Variants in DNAJA3 observed in about 807,000 individuals in gnomAD.
The protein encoded by DNAJA3 is dnaJ homolog subfamily A member 3, mitochondrial.
DNAJA3 carries 29 observed loss-of-function variants against 54.9 expected under a neutral mutation model. The ratio of observed to expected loss-of-function variants is 0.53; its 90% confidence interval spans 0.39 to 0.72. The LOEUF (loss-of-function observed/expected upper bound fraction) is 0.72, where lower values mean the gene tolerates loss of function less well. Ranked by LOEUF, DNAJA3 falls within the 30% of genes least tolerant of loss-of-function variation. The pLI, the probability that DNAJA3 is intolerant of heterozygous loss-of-function variation, is 0.00. For synonymous variants in DNAJA3, 302 were observed against 251.4 expected (o/e 1.20, Z -1.90); for missense variants, 708 against 639.4 (o/e 1.11, Z -1.16).
At position 4,443,102 on chromosome 16, in the gene DNAJA3, T is replaced by A; in HGVS notation, c.869T>A (p.Val290Glu). ...GRGSIIISPC[V>E]VCRGAGQAKQ... is the part of the protein sequence containing the mutation. ...GGCTCCATCATCATATCGCCCTGTG[T>A]GGTCTGCAGGGGAGCAGGACAAGCC... Residue 290 changes from valine to glutamate, a missense_variant, in exon 6 of 12, where the codon GTG becomes GAG. Transcript: ENST00000262375. The A allele has an allele frequency of 6.2e-7, 1 of 1,614,028 alleles. No homozygotes were observed.
chr16:4,428,844 G>C (rs942866846), intron 1 of DNAJA3, among the ~76,000 whole-genome samples: 1 of 151,556 alleles, frequency 6.6e-6, no homozygotes, highest in Non-Finnish European at 1.5e-5. Context: ...TTTGGGACCA[G>C]CCTGGGCAAC....
chr16:4,455,071 T>C (rs972904646), intron 11 of DNAJA3, 144 bp downstream of exon 11: 1 of 642,794 alleles, frequency 1.6e-6, no homozygotes, highest in Non-Finnish European at 2.8e-6. Flanking sequence ...CTAGCTCCAC[T>C]AGGAGCTGGC....
chr16:4,441,268 G>T, intron 3 of DNAJA3, 107 bp from the exon 4 acceptor site: 1 of 1,049,338 alleles, frequency 9.5e-7, no homozygotes, highest in East Asian at 2.4e-5. Flanking sequence ...TTTGCACACA[G>T]GGCCACTTAA....
chr16:4,431,973 C>T (rs1347869020), intron 1 of DNAJA3: 1 of 152,054 alleles, frequency 6.6e-6, no homozygotes, highest in African/African-American at 2.4e-5. Flanking sequence ...GACTCCTTAG[C>T]ATAGCTCTAA....
At chr16:4,444,872 G>A in intron 7 of DNAJA3, 144 bp downstream of exon 7, 1 of 690,366 alleles carries the variant, frequency 1.4e-6, no homozygotes, top group Non-Finnish European at 2.4e-6. Context: ...CCACCTAGAT[G>A]TGGTTTTTAG....
At chr16:4,448,908 A>T in intron 9 of DNAJA3, 60 bp downstream of exon 9, 1 of 1,324,610 alleles carries the variant, frequency 7.5e-7, no homozygotes, top group South Asian at 1.2e-5. Flanking sequence ...CTGCCCTTGG[A>T]GCTCTGTGGC....
Position 4,442,294 on chromosome 16 carries a change from A to T in DNAJA3, c.657A>T (p.Gln219His). ...ACTTCATGGAGTTGACATTCAATCAAGCTGCAAAGGGGGTCAACAAGGAGT... is the reference window on the plus strand; with the variant it reads ...ACTTCATGGAGTTGACATTCAATCATGCTGCAAAGGGGGTCAACAAGGAGT... ...QEYFMELTFN[Q>H]AAKGVNKEFT... Residue 219 changes from glutamine to histidine, a missense_variant, in exon 5 of 12, where the codon CAA becomes CAT. By Grantham distance (24) the Gln-to-His change is conservative. Coordinates refer to ENST00000262375, the MANE Select transcript of DNAJA3 (RefSeq NM_005147.6). The T allele has an allele frequency of 1.9e-6, 3 of 1,598,964 alleles. No individual in the cohort carries two copies. The highest frequency in any genetic ancestry group is 2.6e-6 in the Non-Finnish European group (3 of 1,171,654).
chr16:4,450,067 C>T (rs1410830939), intron 9 of DNAJA3: 2 of 207,272 alleles, frequency 9.6e-6, no homozygotes, highest in Non-Finnish European at 1.9e-5. Flanking sequence ...GGATTACAGG[C>T]ATGAGCCACT....
intron 1 of DNAJA3, among the ~76,000 whole-genome samples, chr16:4,431,415 C>T (rs913880143): frequency 3.3e-5 from 5 of 152,192 alleles, no homozygotes; most frequent in African/African-American, 1.2e-4. Flanking sequence ...GCCAAACACA[C>T]GGATTTATTT....
At chr16:4,436,638 C>T (rs987134935) in intron 2 of DNAJA3, among the ~76,000 whole-genome samples, 4 of 151,576 alleles carry the variant, frequency 2.6e-5, no homozygotes, top group African/African-American at 9.7e-5. Context: ...TGGGCTCAAG[C>T]AATTCTCCTG....
intron 3 of DNAJA3, chr16:4,440,308 G>T (rs1596364875): frequency 6.6e-6 from 1 of 151,882 alleles, no homozygotes; most frequent in African/African-American, 2.4e-5. Context: ...TACAAAGTGA[G>T]GGCCAGGCAC....
chr16:4,431,080 A>C (rs2056693731), intron 1 of DNAJA3: 1 of 152,124 alleles, frequency 6.6e-6, no homozygotes, highest in Non-Finnish European at 1.5e-5. Context: ...TCTTGTAATT[A>C]AACGTGATTT....
Position 4,434,429 on chromosome 16 carries a change from G to C in DNAJA3, c.257G>C (p.Ser86Thr), listed in dbSNP as rs1317862217. The C allele has an allele frequency of 6.2e-7, 1 of 1,613,760 alleles. No homozygotes were observed. The highest frequency in any genetic ancestry group is 8.5e-7 in the Non-Finnish European group (1 of 1,179,988). The change falls in exon 2 of 12, where the codon AGT becomes ACT. Residue 86 changes from serine to threonine, a missense_variant. Ser to Thr is a moderately conservative substitution (Grantham distance 58). Coordinates refer to ENST00000262375, the MANE Select transcript of DNAJA3 (RefSeq NM_005147.6). ...PFICTASFHT[S>T]APLAKEDYYQ... ...ATTTGTACTGCCTCCTTCCACACGAGTGCCCCTTTGGCCAAAGAAGATTAT... is the reference window on the plus strand; with the variant it reads ...ATTTGTACTGCCTCCTTCCACACGACTGCCCCTTTGGCCAAAGAAGATTAT...
intron 3 of DNAJA3, among the ~76,000 whole-genome samples, chr16:4,438,977 C>A (rs2056807135): frequency 6.6e-6 from 1 of 151,420 alleles, no homozygotes; most frequent in African/African-American, 2.4e-5. Context: ...TAATTGATAA[C>A]ATAACTAAAC....
rs1483266885 is a variant in DNAJA3 at position 4,425,929 on chromosome 16, C to G, written c.48C>G (p.Thr16=). Residue 16 remains threonine (T), a synonymous_variant, in exon 1 of 12, where the codon ACC becomes ACG. Transcript: ENST00000262375. ...STRWLLVVVG[T]PRLPAISGRG... The stretch of plus-strand genomic sequence containing the variant: ...GCTGGTTGCTGGTGGTTGTGGGGAC[C>G]CCGCGGCTGCCGGCTATATCGGGTA... 1 of 1,552,124 alleles carries G rather than the reference C, an allele frequency of 6.4e-7. No individual in the cohort carries two copies. Among genetic ancestry groups the G allele is most frequent in the South Asian group, 1.2e-5 (1 of 84,616 alleles).
At chr16:4,447,087 C>T (rs2056911711) in intron 8 of DNAJA3, 73 bp downstream of exon 8, 17 of 1,548,888 alleles carry the variant, frequency 1.1e-5, no homozygotes, top group Non-Finnish European at 1.5e-5. Context: ...AAAGAACTGA[C>T]CAGTGGCCTG....
At position 4,450,390 on chromosome 16, in the gene DNAJA3, C is replaced by T. The variant is rs957122563; in HGVS notation, c.1242-10C>T. On this transcript the variant is annotated splice_polypyrimidine_tract_variant and intron_variant, in intron 9 of 11. Transcript: ENST00000262375. Reference sequence around the variant, plus strand: ...GGAAGCCTTGGCTGCTGACTCTGCTCGGTCCACAGGAGGCTAACGAGCCGG... The same window carrying T: ...GGAAGCCTTGGCTGCTGACTCTGCTTGGTCCACAGGAGGCTAACGAGCCGG... 2.5e-6 allele frequency: 4 copies of T among 1,592,824 alleles called. No individual in the cohort carries two copies. Among genetic ancestry groups the T allele is most frequent in the South Asian group, 1.1e-5 (1 of 87,904 alleles).
chr16:4,429,664 G>A (rs1299443492), intron 1 of DNAJA3, among the ~76,000 whole-genome samples: 3 of 152,096 alleles, frequency 2.0e-5, no homozygotes, highest in Non-Finnish European at 4.4e-5. Flanking sequence ...GAGAAACCCC[G>A]TCTCTACAAA....
rs542362601 is a variant in DNAJA3, at chr16:4,436,832, G to A, written c.346-570G>A. 2.6e-5 allele frequency among the ~76,000 whole-genome samples: 4 copies of A among 151,626 alleles called. No homozygotes were observed. The East Asian group carries it at 5.9e-4, about 22-fold the overall frequency. On this transcript the variant is annotated intron_variant, in intron 2 of 11. Transcript: ENST00000262375. ...ATAACAGGCATGAGCCACTGCGCCC[G>A]GCCCCCTTTTTAAAAATTTGTTTTT...
Sources: allele counts gnomAD v4.1 joint callset (sites outside exome capture counted in the v4.1 genomes callset), GRCh38; gene constraint gnomAD v4.1.1; transcripts MANE v1.5; gene names NCBI Gene and HGNC (gene_info 2026-07-23, HGNC 2026-07-21).